UPK1B: variants seen among roughly 807,000 people sequenced by gnomAD.
UPK1B encodes the protein uroplakin-1b.
In UPK1B, 28 loss-of-function variants were observed where a neutral mutation model predicts 34.2. That is an observed-to-expected ratio of 0.82 (90% CI 0.61 to 1.12). UPK1B has a LOEUF of 1.12. Ranked by LOEUF, UPK1B falls within the 50% of genes most tolerant of loss-of-function variation. UPK1B has a pLI of 0.00. For synonymous variants in UPK1B, 81 were observed against 110.4 expected (o/e 0.73, Z 1.67); for missense variants, 325 against 320.9 (o/e 1.01, Z -0.10).
chr3:119,200,205 AT>A (rs1407863619), intron 7 of UPK1B, among the ~76,000 whole-genome samples: 1 of 152,200 alleles, frequency 6.6e-6, no homozygotes, highest in African/African-American at 2.4e-5. Flanking sequence ...GGTGCACACC[AT>A]TGTGCCTGGC....
chr3:119,179,076 C>T (rs146103975), intron 1 of UPK1B, among the ~76,000 whole-genome samples: 6 of 151,872 alleles, frequency 4.0e-5, no homozygotes, highest in South Asian at 2.1e-4. Flanking sequence ...TGGTGGCTCA[C>T]GCCTATAATC....
intron 1 of UPK1B, among the ~76,000 whole-genome samples, chr3:119,179,676 A>ATT (rs374197912): frequency 0.67 from 98,631 of 147,240 alleles, 33,965 homozygotes; most frequent in East Asian, 0.84. Flanking sequence ...CGCCCGGCTA[A>ATT]CTTTGTATTT....
intron 5 of UPK1B, 100 bp from the exon 6 acceptor site, chr3:119,194,119 C>T: frequency 8.6e-7 from 1 of 1,161,564 alleles, no homozygotes; most frequent in South Asian, 1.7e-5. Flanking sequence ...AGATATGGTA[C>T]ACTTTCCGTA....
chr3:119,203,339 T>TAAAA (rs2078101146), intron 7 of UPK1B, among the ~76,000 whole-genome samples: 1 of 11,790 alleles, frequency 8.5e-5, no homozygotes, highest in Non-Finnish European at 1.5e-4. Context: ...AAACTCCGTC[T>TAAAA]CAAAAAAAAA....
intron 1 of UPK1B, among the ~76,000 whole-genome samples, chr3:119,181,693 C>T (rs1164833652): frequency 6.6e-6 from 1 of 152,182 alleles, no homozygotes; most frequent in African/African-American, 2.4e-5. Flanking sequence ...TTCAAATAAA[C>T]ATTATTTATT....
intron 7 of UPK1B, among the ~76,000 whole-genome samples, chr3:119,200,080 A>G (rs2078084793): frequency 2.0e-5 from 3 of 152,196 alleles, no homozygotes; most frequent in Admixed American, 1.3e-4. Context: ...CCTTCATTCA[A>G]TCTGTTGTAA....
intron 2 of UPK1B, 48 bp downstream of exon 2, chr3:119,186,858 A>C (rs1416186226): frequency 6.4e-7 from 1 of 1,574,654 alleles, no homozygotes; most frequent in Non-Finnish European, 8.7e-7. Context: ...CTGTAATCAT[A>C]ATTCTAGATG....
intron 6 of UPK1B, among the ~76,000 whole-genome samples, chr3:119,198,347 G>T (rs773189603): frequency 1.3e-4 from 20 of 152,154 alleles, no homozygotes; most frequent in Non-Finnish European, 2.4e-4. Flanking sequence ...TTTGGTAGAG[G>T]CTGCTCAGAT....
rs548503857 is a variant in UPK1B, at chr3:119,182,625, T to C, written c.-28-4089T>C. ...CAGCACAAAGCTGGGACTTGAACTC[T>C]GGCATTCTGATGCCAAGTCCAGTGT... On this transcript the variant is annotated intron_variant, in intron 1 of 7. Transcript: ENST00000264234. Among the ~76,000 whole-genome samples the C allele has an allele frequency of 5.3e-5, 8 of 152,348 alleles. No homozygotes were observed. The South Asian group carries it at 1.7e-3, about 32-fold the overall frequency.
intron 5 of UPK1B, 118 bp from the exon 6 acceptor site, chr3:119,194,101 T>G (rs2078055885): frequency 1.0e-6 from 1 of 987,734 alleles, no homozygotes; most frequent in Admixed American, 2.9e-5. Flanking sequence ...GATTTCTTAG[T>G]AAATGTAAGA....
chr3:119,184,906 C>T (rs1576867835), intron 1 of UPK1B, among the ~76,000 whole-genome samples: 1 of 152,288 alleles, frequency 6.6e-6, no homozygotes, highest in East Asian at 1.9e-4. Flanking sequence ...TTACTTTTGT[C>T]TCTAGTTTAG....
intron 3 of UPK1B, 22 bp from the exon 4 acceptor site, chr3:119,190,223 A>C (rs2078037782): frequency 6.4e-7 from 1 of 1,550,992 alleles, no homozygotes; most frequent in South Asian, 1.2e-5. Context: ...TAATTCTTTT[A>C]TCTCATTTAT....
At position 119,205,091 on chromosome 3, in the gene UPK1B, C is replaced by A. The variant is rs1173555930; in HGVS notation, c.*1124C>A. 6.6e-6 allele frequency: 1 copy of A among 152,190 alleles called. No homozygotes were observed. The highest frequency in any genetic ancestry group is 1.5e-5 in the Non-Finnish European group (1 of 68,036). The allele number at this position is 152,190 out of a possible 1,614,324, so 9.4% of individuals were successfully genotyped here. On this transcript the variant is annotated 3_prime_UTR_variant, in exon 8 of 8. Coordinates refer to ENST00000264234, the MANE Select transcript of UPK1B (RefSeq NM_006952.4). The stretch of plus-strand genomic sequence containing the variant: ...TCCATTTGTGGTCCTGAAGGAAATT[C>A]TTATAACTCAACATTTGTCTGGTCT...
At chr3:119,191,676 A>G (rs1428757431) in intron 5 of UPK1B, among the ~76,000 whole-genome samples, 1 of 152,082 alleles carries the variant, frequency 6.6e-6, no homozygotes, top group Non-Finnish European at 1.5e-5. Flanking sequence ...CACTCCTTCT[A>G]TGAACTCTTT....
chr3:119,184,702 G>A (rs1360527658), intron 1 of UPK1B, among the ~76,000 whole-genome samples: 1 of 152,024 alleles, frequency 6.6e-6, no homozygotes, highest in Non-Finnish European at 1.5e-5. Context: ...CTGCAGCCTG[G>A]GCAACAGAGC....
chr3:119,180,339 T>C (rs922442371), intron 1 of UPK1B, among the ~76,000 whole-genome samples: 1 of 152,214 alleles, frequency 6.6e-6, no homozygotes, highest in Admixed American at 6.5e-5. Flanking sequence ...AAAGAATATC[T>C]TCACAGCAAT....
chr3:119,190,794 G>A (rs182016340), intron 4 of UPK1B, among the ~76,000 whole-genome samples, 188 bp from the exon 5 acceptor site: 208 of 152,324 alleles, frequency 1.4e-3, no homozygotes, highest in Non-Finnish European at 2.6e-3. Flanking sequence ...TTTCTTTTAA[G>A]ATGAGAGTCT....
intron 1 of UPK1B, among the ~76,000 whole-genome samples, chr3:119,179,352 GATATATATATATATATATATATAT>G (rs60685268): frequency 1.9e-4 from 9 of 46,890 alleles, no homozygotes; most frequent in Admixed American, 1.2e-3. Context: ...GAGAGAGGGA[GATATATATATATATATATATATAT>G]ATATATATAT....
At chr3:119,194,143 T>A (rs1287569486) in intron 5 of UPK1B, 76 bp from the exon 6 acceptor site, 1 of 1,395,942 alleles carries the variant, frequency 7.2e-7, no homozygotes, top group Admixed American at 2.3e-5. Context: ...TCTTTCTCTA[T>A]AAAATTTCAG....
Sources: allele counts gnomAD v4.1 joint callset (sites outside exome capture counted in the v4.1 genomes callset), GRCh38; gene constraint gnomAD v4.1.1; transcripts MANE v1.5; gene names NCBI Gene and HGNC (gene_info 2026-07-23, HGNC 2026-07-21).